UHRF2: variants seen among roughly 807,000 people sequenced by gnomAD.
UHRF2 encodes the protein ubiquitin like with PHD and ring finger domains 2.
In UHRF2, 23 loss-of-function variants were observed where a neutral mutation model predicts 96.8. The observed-to-expected ratio is 0.24, with a 90% CI of 0.17 to 0.34. The LOEUF is 0.34. Among genes scored for constraint, UHRF2 ranks in the 10% least tolerant of loss-of-function variants. The pLI is 1.00. For synonymous variants in UHRF2, 385 were observed against 332.6 expected, an observed-to-expected ratio of 1.16 and a Z score of -1.72; for missense variants, 685 against 981.5, an observed-to-expected ratio of 0.70 and a Z score of 4.04.
chr9:6,417,129 T>C (rs1342193453), intron 1 of UHRF2, among the ~76,000 whole-genome samples: 1 of 152,200 alleles, frequency 6.6e-6, no homozygotes, highest in Non-Finnish European at 1.5e-5. Context: ...CCCTAGTCAG[T>C]AGTTGCTTGG....
intron 14 of UHRF2, 81 bp from the exon 15 acceptor site, chr9:6,504,512 T>G (rs1816482599): frequency 2.3e-6 from 2 of 882,852 alleles, no homozygotes; most frequent in Non-Finnish European, 3.5e-6. Flanking sequence ...ACTAGCTGTT[T>G]TGAAATACAC....
rs939884876 is a variant in UHRF2, at chr9:6,469,776, GTA to G, written c.864-5607_864-5606del. On this transcript the variant is annotated intron_variant, in intron 4 of 15. Transcript: ENST00000276893. ...TATATATACACACGTATATATGTGT[GTA>G]TATATATGTATATATGTGTATATAT... Among the ~76,000 whole-genome samples, 3 of 149,558 alleles carry G rather than the reference GTA, an allele frequency of 2.0e-5. No homozygotes were observed. The South Asian group carries it at 6.3e-4, about 31-fold the overall frequency.
At chr9:6,461,667 C>T (rs1406362266) in intron 4 of UHRF2, among the ~76,000 whole-genome samples, 1 of 151,936 alleles carries the variant, frequency 6.6e-6, no homozygotes, top group Non-Finnish European at 1.5e-5. Context: ...CCACTGCGCC[C>T]AGCTTTCTAT....
intron 4 of UHRF2, among the ~76,000 whole-genome samples, chr9:6,472,283 T>A (rs1454623419): frequency 6.6e-6 from 1 of 152,236 alleles, no homozygotes; most frequent in African/African-American, 2.4e-5. Context: ...TTAAAGGGTT[T>A]AGGAAATTTA....
intron 14 of UHRF2, 167 bp from the exon 15 acceptor site, chr9:6,504,426 A>T (rs574808726): frequency 3.9e-6 from 2 of 516,686 alleles, no homozygotes; most frequent in African/African-American, 4.0e-5. Context: ...TTCATATAAC[A>T]TATAATAAAT....
At chr9:6,424,558 T>G (rs1328443693) in intron 2 of UHRF2, among the ~76,000 whole-genome samples, 1 of 152,192 alleles carries the variant, frequency 6.6e-6, no homozygotes, top group Non-Finnish European at 1.5e-5. Flanking sequence ...TTTAGATTTG[T>G]AGCAAAATTG....
intron 14 of UHRF2, among the ~76,000 whole-genome samples, chr9:6,502,601 C>T (rs148219930): frequency 0.012 from 1,827 of 152,306 alleles, 29 homozygotes; most frequent in Non-Finnish European, 0.017. Context: ...TCAGTTATTA[C>T]TATCTGAAAC....
At chr9:6,445,427 A>G (rs963203915) in intron 3 of UHRF2, among the ~76,000 whole-genome samples, 2 of 151,970 alleles carry the variant, frequency 1.3e-5, no homozygotes, top group Non-Finnish European at 2.9e-5. Flanking sequence ...ACATTCGGCT[A>G]ATTTTGTACT....
chr9:6,455,124 C>T (rs1822101259), intron 3 of UHRF2, among the ~76,000 whole-genome samples: 1 of 151,508 alleles, frequency 6.6e-6, no homozygotes, highest in Non-Finnish European at 1.5e-5. Context: ...ATAGGAGCAG[C>T]AGCTTTTTTG....
chr9:6,472,903 A>G (rs1191063340), intron 4 of UHRF2, among the ~76,000 whole-genome samples: 1 of 152,218 alleles, frequency 6.6e-6, no homozygotes, highest in Non-Finnish European at 1.5e-5. Context: ...TAAAAAGTAA[A>G]TATCCTTTAG....
At chr9:6,439,658 C>G (rs1397471032) in intron 3 of UHRF2, among the ~76,000 whole-genome samples, 1 of 152,106 alleles carries the variant, frequency 6.6e-6, no homozygotes, top group African/African-American at 2.4e-5. Context: ...AGAACTCAAC[C>G]TAATCAGTAC....
intron 3 of UHRF2, among the ~76,000 whole-genome samples, chr9:6,447,464 G>T (rs1226559697): frequency 2.6e-5 from 4 of 152,140 alleles, no homozygotes; most frequent in Non-Finnish European, 5.9e-5. Flanking sequence ...AGGTAGAGGA[G>T]ATATTTTAGT....
intron 3 of UHRF2, among the ~76,000 whole-genome samples, chr9:6,448,941 T>C (rs753254353): frequency 6.6e-6 from 1 of 152,246 alleles, no homozygotes; most frequent in Admixed American, 6.5e-5. Flanking sequence ...CGGAAATCTT[T>C]AAACATCGCA....
intron 8 of UHRF2, among the ~76,000 whole-genome samples, chr9:6,486,617 A>T (rs917735902): frequency 1.3e-5 from 2 of 152,208 alleles, no homozygotes; most frequent in African/African-American, 4.8e-5. Context: ...GAGATTTAAA[A>T]TGAGAGAGCA....
chr9:6,472,699 A>G (rs1226931380), intron 4 of UHRF2, among the ~76,000 whole-genome samples: 2 of 152,248 alleles, frequency 1.3e-5, no homozygotes. Flanking sequence ...ACAGTTAGCT[A>G]TATTATAACT....
intron 9 of UHRF2, among the ~76,000 whole-genome samples, chr9:6,488,763 A>G (rs1667100671): frequency 6.6e-6 from 1 of 150,692 alleles, no homozygotes; most frequent in Non-Finnish European, 1.5e-5. Context: ...CGGCTTCCCA[A>G]AGTGCTGGGA....
intron 7 of UHRF2, 50 bp from the exon 8 acceptor site, chr9:6,481,942 A>G: frequency 6.3e-7 from 1 of 1,594,100 alleles, no homozygotes. Flanking sequence ...AAGGGCTTTC[A>G]TTAAAATTTA....
chr9:6,493,797 T>C, intron 9 of UHRF2, 29 bp from the exon 10 acceptor site: 5 of 1,585,412 alleles, frequency 3.2e-6, no homozygotes, highest in Non-Finnish European at 4.3e-6. Context: ...GGGTTTAGCT[T>C]TCTTAATAAA....
At chr9:6,437,132 A>T (rs1031238607) in intron 3 of UHRF2, among the ~76,000 whole-genome samples, 3 of 152,256 alleles carry the variant, frequency 2.0e-5, no homozygotes, top group Admixed American at 2.0e-4. Context: ...AATGAAGTAC[A>T]TGTTGATTTC....
Sources: allele counts gnomAD v4.1 joint callset (sites outside exome capture counted in the v4.1 genomes callset), GRCh38; gene constraint gnomAD v4.1.1; transcripts MANE v1.5; gene names NCBI Gene and HGNC (gene_info 2026-07-23, HGNC 2026-07-21).